Variants in CHGA observed in about 807,000 individuals in gnomAD.
CHGA encodes the protein chromogranin-A.
Under a neutral mutation model 54.4 loss-of-function variants are expected in CHGA, and 41 were observed. The observed-to-expected ratio is 0.75, with a 90% CI of 0.59 to 0.98. CHGA has a LOEUF of 0.98. Among genes scored for constraint, CHGA ranks in the 50% least tolerant of loss-of-function variants. The pLI is 0.00. For synonymous variants in CHGA, 249 were observed against 232.8 expected, an observed-to-expected ratio of 1.07 and a Z score of -0.63; for missense variants, 576 against 582.3, an observed-to-expected ratio of 0.99 and a Z score of 0.11.
Position 92,931,491 on chromosome 14 carries a change from C to T in CHGA, c.597C>T (p.Ala199=), listed in dbSNP as rs1399195097. The T allele has an allele frequency of 6.2e-6, 10 of 1,611,966 alleles. No homozygotes were observed. Among genetic ancestry groups the T allele is most frequent in the Middle Eastern group, 1.7e-4 (1 of 6,038 alleles). Residue 199 remains alanine (A), a synonymous_variant, in exon 6 of 8, where the codon GCC becomes GCT. Coordinates refer to ENST00000216492, the MANE Select transcript of CHGA (RefSeq NM_001275.4). ...GCCAGAAATACCCAGGCCCACAGGC[C>T]GAGGGGGACAGTGAGGGCCTCTCTC... ...LPSQKYPGPQ[A]EGDSEGLSQG...
rs1368228235 is a variant in CHGA at position 92,935,036 on chromosome 14, G to A, written c.*152G>A. 13 of 597,128 alleles carry A rather than the reference G, an allele frequency of 2.2e-5. No individual in the cohort carries two copies. The highest frequency in any genetic ancestry group is 7.3e-5 in the South Asian group (3 of 41,086). The allele number at this position is 597,128 out of a possible 1,614,324, so 37.0% of individuals were successfully genotyped here. ...CCCAGGCCACCCTATCGCCCCCTAC[G>A]CGCCTTGTCTCCTACTCCTGACTCC... On this transcript the variant is annotated 3_prime_UTR_variant, in exon 8 of 8. Transcript: ENST00000216492.
intron 6 of CHGA, 133 bp downstream of exon 6, chr14:92,931,835 G>A (rs932404355): frequency 2.2e-6 from 2 of 912,642 alleles, no homozygotes; most frequent in South Asian, 3.8e-5. Context: ...TTTCCCAGGT[G>A]GACAAATGAG....
rs759149127 is a variant in CHGA, at chr14:92,932,759, G to T, written c.1198G>T (p.Glu400Ter). The T allele has an allele frequency of 6.2e-7, 1 of 1,605,982 alleles. No homozygotes were observed. Among genetic ancestry groups the T allele is most frequent in the Admixed American group, 1.7e-5 (1 of 59,374 alleles). ...ACGAGGCTGGAGGCCATCCTCCCGG[G>T]AGGACAGCCTTGAGGCGGGCCTGCC... Reference protein sequence around the residue: ...LRRGWRPSSREDSLEAGLPLQ... With the variant: ...LRRGWRPSSR Residue 400 changes from glutamate to a stop codon, truncating the protein, a stop_gained, in exon 7 of 8, where the codon GAG becomes TAG. Transcript: ENST00000216492. LOFTEE classifies it high-confidence loss of function. This position sits in a 1 kb window ranked among gnomAD's most constrained non-coding sequence, Gnocchi z 5.3.
intron 7 of CHGA, among the ~76,000 whole-genome samples, chr14:92,933,863 G>C (rs1887062882): frequency 6.6e-6 from 1 of 152,184 alleles, no homozygotes; most frequent in South Asian, 2.1e-4. Flanking sequence ...AGCAGAGGGA[G>C]CTCTGGACCG....
chr14:92,927,421 A>G (rs931490480), intron 3 of CHGA, 129 bp from the exon 4 acceptor site: 7 of 708,910 alleles, frequency 9.9e-6, no homozygotes, highest in Middle Eastern at 2.5e-4. Context: ...TGAAGACCCA[A>G]TCTTGCTGCC....
At chr14:92,931,860 A>G (rs1241653193) in intron 6 of CHGA, among the ~76,000 whole-genome samples, 158 bp downstream of exon 6, 1 of 152,120 alleles carries the variant, frequency 6.6e-6, no homozygotes, top group Non-Finnish European at 1.5e-5. Flanking sequence ...AGAGAGGTTA[A>G]GTAATTTGCC....
At chr14:92,923,548 C>G (rs1406959736) in intron 1 of CHGA, 143 bp downstream of exon 1, 2 of 705,682 alleles carry the variant, frequency 2.8e-6, no homozygotes, top group Middle Eastern at 4.6e-4. Flanking sequence ...AGCGCCTCCG[C>G]CTCCCGCCTG....
Position 92,932,823 on chromosome 14 carries a change from A to T in CHGA, c.1262A>T (p.Glu421Val), listed in dbSNP as rs376816185. Residue 421 changes from glutamate to valine, a missense_variant, in exon 7 of 8, where the codon GAG becomes GTG. Transcript: ENST00000216492. This position sits in a 1 kb window ranked among gnomAD's most constrained non-coding sequence, Gnocchi z 5.3. ...VRGYPEEKKE[E>V]EGSANRRPED... ...GGCTACCCCGAGGAGAAGAAAGAGG[A>T]GGAGGGCAGCGCAAACCGCAGACCA... The T allele has an allele frequency of 6.5e-7, 1 of 1,528,782 alleles. No individual in the cohort carries two copies. The highest frequency in any genetic ancestry group is 8.8e-7 in the Non-Finnish European group (1 of 1,136,200). The allele number at this position is 1,528,782 out of a possible 1,614,324, so 94.7% of individuals were successfully genotyped here. A position where few individuals can be genotyped will look rare whatever the true frequency, so the allele number is the denominator to read the frequency against.
chr14:92,932,623 T>C lies in CHGA; in HGVS notation c.1062T>C (p.Ala354=). Residue 354 remains alanine (A), a synonymous_variant, in exon 7 of 8, where the codon GCT becomes GCC. Coordinates refer to ENST00000216492, the MANE Select transcript of CHGA (RefSeq NM_001275.4). This position sits in a 1 kb window ranked among gnomAD's most constrained non-coding sequence, Gnocchi z 5.3. The part of the protein sequence containing the change: ...KMDQLAKELT[A]EKRLEGQEEE... Reference sequence around the variant, plus strand: ...ACCAGCTGGCCAAGGAGCTGACGGCTGAGAAGCGGCTGGAGGGGCAGGAGG... The same window carrying C: ...ACCAGCTGGCCAAGGAGCTGACGGCCGAGAAGCGGCTGGAGGGGCAGGAGG... 2 of 1,590,676 alleles carry C rather than the reference T, an allele frequency of 1.3e-6. No homozygotes were observed. The highest frequency in any genetic ancestry group is 1.7e-6 in the Non-Finnish European group (2 of 1,169,954).
Position 92,929,822 on chromosome 14 carries a change from C to G in CHGA, c.355+7C>G, listed in dbSNP as rs777333512. On this transcript the variant is annotated splice_region_variant and intron_variant, in intron 5 of 7. Transcript: ENST00000216492. Reference sequence around the variant, plus strand: ...AGCCAGGCCGAGCTGAAAGGTCTGTCCCAGCCGGTCTGGCCGGAGGTGGGG... The same window carrying G: ...AGCCAGGCCGAGCTGAAAGGTCTGTGCCAGCCGGTCTGGCCGGAGGTGGGG... 2 of 1,610,274 alleles carry G rather than the reference C, an allele frequency of 1.2e-6. No individual in the cohort carries two copies. Among genetic ancestry groups the G allele is most frequent in the Non-Finnish European group, 8.5e-7 (1 of 1,178,948 alleles).
intron 4 of CHGA, 76 bp downstream of exon 4, chr14:92,927,694 G>GC: frequency 8.4e-7 from 1 of 1,195,374 alleles, no homozygotes; most frequent in African/African-American, 1.5e-5. Flanking sequence ...GGAAGATTCA[G>GC]CAAGTTCCTC....
intron 2 of CHGA, among the ~76,000 whole-genome samples, chr14:92,925,196 A>G (rs150923727): frequency 7.9e-5 from 12 of 152,242 alleles, no homozygotes; most frequent in South Asian, 4.1e-4. Context: ...GGAATCATGG[A>G]TGTGAATTGC....
chr14:92,927,190 A>G (rs1357137282), intron 3 of CHGA, among the ~76,000 whole-genome samples: 2 of 152,198 alleles, frequency 1.3e-5, no homozygotes, highest in Non-Finnish European at 2.9e-5. Flanking sequence ...AACATTGGAA[A>G]CCGATGAGTG....
chr14:92,923,089 G>A, upstream of CHGA: 1 of 295,386 alleles, frequency 3.4e-6, no homozygotes. Flanking sequence ...GAAGGGGGCG[G>A]CACCGCTGAC....
rs118167208 is a variant in CHGA at position 92,928,976 on chromosome 14, C to T, written c.257-741C>T. Reference sequence around the variant, plus strand: ...ATAGCCAGAAGGGGACTGGAACCCACGTTGCCTGAGACCAGGGCTGGGCAT... The same window carrying T: ...ATAGCCAGAAGGGGACTGGAACCCATGTTGCCTGAGACCAGGGCTGGGCAT... On this transcript the variant is annotated intron_variant, in intron 4 of 7. Transcript: ENST00000216492. Among the ~76,000 whole-genome samples, 473 of 152,358 alleles carry T rather than the reference C, an allele frequency of 3.1e-3. 1 individual carries two copies. The highest frequency in any genetic ancestry group is 5.8e-3 in the Non-Finnish European group (393 of 68,040).
chr14:92,926,551 G>C, intron 2 of CHGA, 54 bp from the exon 3 acceptor site: 1 of 1,466,748 alleles, frequency 6.8e-7, no homozygotes, highest in South Asian at 1.1e-5. Flanking sequence ...AGCCTCCAGG[G>C]ACTGAGCCCC....
chr14:92,930,688 G>A (rs1182996401), intron 5 of CHGA, among the ~76,000 whole-genome samples: 1 of 152,242 alleles, frequency 6.6e-6, no homozygotes, highest in Non-Finnish European at 1.5e-5. Context: ...CAGAGTCCTG[G>A]TGAAGCTCAG....
At position 92,924,243 on chromosome 14, in the gene CHGA, G is replaced by A. The variant is rs751919215; in HGVS notation, c.91G>A (p.Glu31Lys). The A allele has an allele frequency of 3.7e-6, 6 of 1,611,838 alleles. No individual in the cohort carries two copies. The South Asian group carries it at 6.6e-5, about 18-fold the overall frequency. Reference protein sequence around the residue: ...VNSPMNKGDTEVMKCIVEVIS... With the variant: ...VNSPMNKGDTKVMKCIVEVIS... The stretch of plus-strand genomic sequence containing the variant: ...CAGCCCTATGAATAAAGGGGATACC[G>A]AGGTAAGAAGGGGTGCTGGGGATGA... Residue 31 changes from glutamate (E) to lysine (K), a missense_variant and splice_region_variant, in exon 2 of 8, where the codon GAG (glutamate) becomes AAG (lysine). Glu to Lys is a moderately conservative substitution (Grantham distance 56). Coordinates refer to ENST00000216492, the MANE Select transcript of CHGA (RefSeq NM_001275.4).
intron 1 of CHGA, 23 bp downstream of exon 1, chr14:92,923,428 C>T (rs1886825122): frequency 8.0e-7 from 1 of 1,257,206 alleles, no homozygotes; most frequent in Middle Eastern, 3.1e-4. Context: ...GGGGAGCTCG[C>T]GGGAGAGGGT....
Sources: gnomAD v4.1 joint callset for allele counts (sites outside exome capture counted in the v4.1 genomes callset) on GRCh38, gnomAD v4.1.1 for gene constraint, Gnocchi (gnomAD v3.1) non-coding constraint, MANE v1.5 for transcripts, NCBI Gene and HGNC (gene_info 2026-07-23, HGNC 2026-07-21) for gene names.